MAN1B1: variants seen among roughly 807,000 people sequenced by gnomAD.
MAN1B1 encodes mannosidase alpha class 1B member 1, also known as endoplasmic reticulum mannosyl-oligosaccharide 1,2-alpha-mannosidase.
MAN1B1 carries 66 observed loss-of-function variants against 75.5 expected under a neutral mutation model. That is an observed-to-expected ratio of 0.87 (90% CI 0.72 to 1.07). MAN1B1 has a LOEUF of 1.07. Ranked by LOEUF, MAN1B1 falls within the 50% of genes least tolerant of loss-of-function variation. MAN1B1 has a pLI of 0.00. For missense variants in MAN1B1, 973 were observed against 912.5 expected (o/e 1.07, Z -0.85); for synonymous variants, 453 against 382.8 (o/e 1.18, Z -2.14).
In MAN1B1 at chr9:137,099,782, G is replaced by T; in HGVS notation, c.817G>T (p.Glu273Ter). The T allele has an allele frequency of 6.2e-7, 1 of 1,614,226 alleles. No individual in the cohort carries two copies. Among genetic ancestry groups the T allele is most frequent in the South Asian group, 1.1e-5 (1 of 91,080 alleles). The change falls in exon 6 of 13, where the codon GAG (glutamate) becomes TAG (stop). Residue 273 changes from glutamate (E) to a stop codon, truncating the protein, a stop_gained. Coordinates refer to ENST00000371589, the MANE Select transcript of MAN1B1 (RefSeq NM_016219.5). LOFTEE classifies it high-confidence loss of function. Reference sequence around the variant, plus strand: ...CCGCAAGTTTGCATGGGGCCATGACGAGCTGAAGCCTGTGTCCAGGTCCTT... The same window carrying T: ...CCGCAAGTTTGCATGGGGCCATGACTAGCTGAAGCCTGTGTCCAGGTCCTT... ...GYRKFAWGHD[E>*]LKPVSRSFSE...
At position 137,108,700 on chromosome 9, in the gene MAN1B1, C is replaced by G; in HGVS notation, c.*109C>G. Reference sequence around the variant, plus strand: ...ACCGGCAACCGCCAAGTGGCCCAGGCTCTGAACTGGCTCTGGGCTCCTCCT... The same window carrying G: ...ACCGGCAACCGCCAAGTGGCCCAGGGTCTGAACTGGCTCTGGGCTCCTCCT... On this transcript the variant is annotated 3_prime_UTR_variant, in exon 13 of 13. Coordinates refer to ENST00000371589, the MANE Select transcript of MAN1B1 (RefSeq NM_016219.5). 9.8e-7 allele frequency: 1 copy of G among 1,019,888 alleles called. No individual in the cohort carries two copies. Among genetic ancestry groups the G allele is most frequent in the Non-Finnish European group, 1.5e-6 (1 of 648,318 alleles). The allele number at this position is 1,019,888 out of a possible 1,614,324, so 63.2% of individuals were successfully genotyped here. A position where few individuals can be genotyped will look rare whatever the true frequency, so the allele number is the denominator to read the frequency against.
In MAN1B1 at chr9:137,101,370, G is replaced by C. The variant is rs1053101489; in HGVS notation, c.1066-114G>C. 15 of 1,166,402 alleles carry C rather than the reference G, an allele frequency of 1.3e-5. No individual in the cohort carries two copies. In the African/African-American group the frequency reaches 2.3e-4, roughly 18 times the overall value. 72.3% of individuals were successfully genotyped at this position (1,166,402 alleles called of 1,614,324 possible). A position where few individuals can be genotyped will look rare whatever the true frequency, so the allele number is the denominator to read the frequency against. On this transcript the variant is annotated intron_variant, in intron 7 of 12. Coordinates refer to ENST00000371589, the MANE Select transcript of MAN1B1 (RefSeq NM_016219.5). ...AGTGCAGAGTGATGCCCGTTTCCTT[G>C]CTGCTGTGTTGACCCCAGAGAGCCT...
chr9:137,104,139 C>A, intron 8 of MAN1B1: 1 of 445,848 alleles, frequency 2.2e-6, no homozygotes. Flanking sequence ...CCTTCATGTC[C>A]CTCCCCAGTC....
At chr9:137,103,080 CTT>C in intron 8 of MAN1B1, 1 of 118,338 alleles carries the variant, frequency 8.5e-6, no homozygotes, top group South Asian at 4.9e-5. Context: ...CACATTCACA[CTT>C]GCAGGCGTGC....
intron 5 of MAN1B1, 144 bp downstream of exon 5, chr9:137,098,081 T>C: frequency 1.5e-6 from 1 of 660,110 alleles, no homozygotes; most frequent in Non-Finnish European, 2.7e-6. Context: ...GTCTGAGTCC[T>C]CACAGGCTCT....
At chr9:137,094,721 A>G (rs1206478815) in intron 3 of MAN1B1, among the ~76,000 whole-genome samples, 5 of 151,902 alleles carry the variant, frequency 3.3e-5, no homozygotes, top group Non-Finnish European at 7.4e-5. Flanking sequence ...TCTACTAACA[A>G]TACAAAAAAT....
chr9:137,101,819 C>T (rs1391779530), intron 8 of MAN1B1, 147 bp downstream of exon 8: 8 of 996,130 alleles, frequency 8.0e-6, no homozygotes, highest in Admixed American at 4.0e-5. Flanking sequence ...CCACCTTAAC[C>T]ATTTCCAGGC....
At chr9:137,103,075 T>A (rs1588626492) in intron 8 of MAN1B1, 1 of 387,130 alleles carries the variant, frequency 2.6e-6, no homozygotes, top group South Asian at 1.6e-5. Flanking sequence ...TTACACACAT[T>A]CACACTTGCA....
chr9:137,089,523 C>T (rs960351967), intron 3 of MAN1B1, among the ~76,000 whole-genome samples: 3 of 152,120 alleles, frequency 2.0e-5, no homozygotes, highest in African/African-American at 4.8e-5. Flanking sequence ...TTGGCATATG[C>T]GGGAAGGTGA....
intron 1 of MAN1B1, 128 bp downstream of exon 1, chr9:137,087,346 C>T (rs1169185396): frequency 8.1e-6 from 9 of 1,115,728 alleles, no homozygotes; most frequent in Admixed American, 2.4e-5. Flanking sequence ...CACCCCTTCC[C>T]CGCAAAAAGG....
chr9:137,101,117 C>T lies in MAN1B1; in HGVS notation c.1029C>T (p.Tyr343=), dbSNP rs1830797033. The change falls in exon 7 of 13, where the codon TAC becomes TAT. Residue 343 remains tyrosine (Y), a synonymous_variant. Transcript: ENST00000371589. ...IRILGGLLSA[Y]HLSGDSLFLR... is the part of the protein sequence containing the mutation. ...TCCTGGGGGGGCTCCTGAGTGCCTA[C>T]CACCTGTCTGGGGACAGCCTCTTCC... 2 of 1,614,132 alleles carry T rather than the reference C, an allele frequency of 1.2e-6. No individual in the cohort carries two copies. The highest frequency in any genetic ancestry group is 8.5e-7 in the Non-Finnish European group (1 of 1,180,026).
Position 137,096,243 on chromosome 9 carries a change from C to T in MAN1B1, c.472C>T (p.Gln158Ter), listed in dbSNP as rs989187528. The change falls in exon 4 of 13, where the codon CAA becomes TAA. Residue 158 changes from glutamine to a stop codon, truncating the protein, a stop_gained. Transcript: ENST00000371589. LOFTEE classifies it high-confidence loss of function. ...NLPEISSQKT[Q>*]RHIQRGPPHL... ...GTGACCAATTTCTCTACAGAAGACA[C>T]AAAGACACATCCAGCGGGGACCACC... 2 of 1,614,034 alleles carry T rather than the reference C, an allele frequency of 1.2e-6. No homozygotes were observed. The highest frequency in any genetic ancestry group is 1.7e-6 in the Non-Finnish European group (2 of 1,180,040).
At position 137,108,388 on chromosome 9, in the gene MAN1B1, G is replaced by T. The variant is rs777270726; in HGVS notation, c.1897G>T (p.Val633Phe). The T allele has an allele frequency of 1.7e-5, 27 of 1,613,366 alleles. No individual in the cohort carries two copies. Among genetic ancestry groups the T allele is most frequent in the African/African-American group, 2.7e-5 (2 of 74,914 alleles). ...ILQSFSRFTR[V>F]PSGGYSSINN... ...TGACGAGGCCCTGGCTGCTGCACAGGTCCCCTCGGGTGGCTATTCTTCCAT... is the reference window on the plus strand; with the variant it reads ...TGACGAGGCCCTGGCTGCTGCACAGTTCCCCTCGGGTGGCTATTCTTCCAT... The change falls in exon 13 of 13, where the codon GTC becomes TTC. Residue 633 changes from valine (V) to phenylalanine (F), a missense_variant and splice_region_variant. Transcript: ENST00000371589.
intron 8 of MAN1B1, chr9:137,104,398 C>T (rs971588759): frequency 3.4e-6 from 1 of 292,774 alleles, no homozygotes; most frequent in Non-Finnish European, 6.7e-6. Context: ...CCACGCCCAG[C>T]TAATTTTTGT....
chr9:137,092,981 T>C (rs1239180681), intron 3 of MAN1B1, among the ~76,000 whole-genome samples: 1 of 152,234 alleles, frequency 6.6e-6, no homozygotes, highest in Non-Finnish European at 1.5e-5. Context: ...TGTTGTGAGT[T>C]AGAATATTTC....
At chr9:137,102,749 G>A in intron 8 of MAN1B1, 5 of 440,024 alleles carry the variant, frequency 1.1e-5, no homozygotes, top group South Asian at 7.9e-5. Context: ...GGTCGGTGGT[G>A]TTACATTCAC....
At chr9:137,089,364 G>A (rs745481269) in intron 3 of MAN1B1, 6 of 355,778 alleles carry the variant, frequency 1.7e-5, no homozygotes, top group South Asian at 2.3e-5. Flanking sequence ...AGAGCAGGGC[G>A]CTGGTGAAGA....
At chr9:137,096,426 C>A (rs202152728) in intron 4 of MAN1B1, 35 bp downstream of exon 4, 1 of 1,608,258 alleles carries the variant, frequency 6.2e-7, no homozygotes, top group South Asian at 1.1e-5. Flanking sequence ...CGCCGCCGCT[C>A]AGGGCTTGAT....
chr9:137,103,863 G>A (rs887868460), intron 8 of MAN1B1: 9 of 455,384 alleles, frequency 2.0e-5, no homozygotes, highest in Non-Finnish European at 2.6e-5. Flanking sequence ...ACTTGCAGGC[G>A]TGCAGGTCAG....
Sources: allele counts gnomAD v4.1 joint callset (sites outside exome capture counted in the v4.1 genomes callset), GRCh38; gene constraint gnomAD v4.1.1; transcripts MANE v1.5; gene names NCBI Gene and HGNC (gene_info 2026-07-23, HGNC 2026-07-21).